Variants in PARD3 observed in about 807,000 individuals in gnomAD.
The protein encoded by PARD3 is par-3 family cell polarity regulator.
Under a neutral mutation model 155.4 loss-of-function variants are expected in PARD3, and 75 were observed. That is an observed-to-expected ratio of 0.48 (90% confidence interval 0.40 to 0.58). The LOEUF (loss-of-function observed/expected upper bound fraction) is 0.58, where lower values mean the gene tolerates loss of function less well. Ranked by LOEUF, PARD3 falls within the 20% of genes least tolerant of loss-of-function variation. The pLI, the probability that PARD3 is intolerant of heterozygous loss-of-function variation, is 0.00. For missense variants in PARD3, 1,642 were observed against 1,721.7 expected, an observed-to-expected ratio of 0.95 and a Z score of 0.82; for synonymous variants, 576 against 610.5, an observed-to-expected ratio of 0.94 and a Z score of 0.83.
At chr10:34,668,629 T>C (rs1477066993) in intron 2 of PARD3, among the ~76,000 whole-genome samples, 2 of 152,204 alleles carry the variant, frequency 1.3e-5, no homozygotes, top group Non-Finnish European at 2.9e-5. Flanking sequence ...GCCTTTTATC[T>C]TCAAAGATAT....
intron 1 of PARD3, among the ~76,000 whole-genome samples, chr10:34,796,297 C>T (rs1424108025): frequency 4.6e-5 from 7 of 152,156 alleles, no homozygotes; most frequent in Non-Finnish European, 1.0e-4. Context: ...CAGGTAAATA[C>T]ATGCAAGTAA....
intron 6 of PARD3, among the ~76,000 whole-genome samples, chr10:34,400,110 C>T (rs953289565): frequency 2.0e-5 from 3 of 152,306 alleles, no homozygotes; most frequent in East Asian, 3.9e-4. Flanking sequence ...CAGGCATCTA[C>T]TGCAAATCAA....
chr10:34,466,540 G>A (rs2078017347), intron 4 of PARD3, among the ~76,000 whole-genome samples: 1 of 152,114 alleles, frequency 6.6e-6, no homozygotes, highest in Non-Finnish European at 1.5e-5. Context: ...CTATGTAGAT[G>A]AGTTATTTAA....
chr10:34,808,531 G>T (rs1306400667), intron 1 of PARD3, among the ~76,000 whole-genome samples: 1 of 152,140 alleles, frequency 6.6e-6, no homozygotes, highest in Admixed American at 6.5e-5. Flanking sequence ...TTGAGCGAGT[G>T]GCCAAGCAGG....
At chr10:34,168,370 C>G (rs936541223) in intron 22 of PARD3, among the ~76,000 whole-genome samples, 3 of 152,170 alleles carry the variant, frequency 2.0e-5, no homozygotes, top group Admixed American at 2.0e-4. Flanking sequence ...AAACATGTCA[C>G]TAATTTTAAA....
At chr10:34,813,440 G>A (rs897878922) in intron 1 of PARD3, among the ~76,000 whole-genome samples, 2 of 152,044 alleles carry the variant, frequency 1.3e-5, no homozygotes, top group Non-Finnish European at 2.9e-5. Context: ...CCATTTAGAT[G>A]GTTTTCTTTC....
chr10:34,437,850 T>C (rs2076264868), intron 5 of PARD3, among the ~76,000 whole-genome samples: 2 of 152,252 alleles, frequency 1.3e-5, no homozygotes, highest in Non-Finnish European at 2.9e-5. Flanking sequence ...TTTAGTTATA[T>C]AAACATGAAG....
rs188775459 is a variant in PARD3, at chr10:34,392,280, G to T, written c.890+7050C>A. 1.7e-3 allele frequency among the ~76,000 whole-genome samples: 263 copies of T among 150,952 alleles called. 3 individuals are homozygous for T. The South Asian group carries it at 0.021, about 12-fold the overall frequency. On this transcript the variant is annotated intron_variant, in intron 7 of 24. Transcript: ENST00000374788. ...GTAACTAAGCAAATAAATAAAGAGG[G>T]GAAAAGTCATAAAAATAAACTTTAA...
At position 34,493,625 on chromosome 10, in the gene PARD3, G is replaced by A. The variant is rs549269862; in HGVS notation, c.403+23354C>T. On this transcript the variant is annotated intron_variant, in intron 3 of 24. Coordinates refer to ENST00000374788, the MANE Select transcript of PARD3 (RefSeq NM_001184785.2). ...CAGGCACCTGTAATTCCAGCTACTC[G>A]GGAGGCTGAAGCAGTAGAATCACTT... Among the ~76,000 whole-genome samples the A allele has an allele frequency of 3.3e-5, 5 of 151,888 alleles. No homozygotes were observed. In the East Asian group the frequency reaches 5.8e-4, roughly 18 times the overall value.
chr10:34,615,124 T>C (rs1054786961), intron 2 of PARD3, among the ~76,000 whole-genome samples: 2 of 151,974 alleles, frequency 1.3e-5, no homozygotes, highest in African/African-American at 2.4e-5. Flanking sequence ...GAAATTGCAG[T>C]GAGCCGAGAT....
At chr10:34,573,191 C>T (rs1352547648) in intron 2 of PARD3, among the ~76,000 whole-genome samples, 4 of 149,230 alleles carry the variant, frequency 2.7e-5, no homozygotes, top group African/African-American at 7.4e-5. Context: ...CCCATCTCTA[C>T]AAAAAAGTTC....
At chr10:34,272,293 T>C (rs1007608375) in intron 21 of PARD3, among the ~76,000 whole-genome samples, 1 of 152,170 alleles carries the variant, frequency 6.6e-6, no homozygotes, top group Non-Finnish European at 1.5e-5. Context: ...CATAAAACTT[T>C]AAAAGTATAT....
chr10:34,584,909 C>T (rs1405918379), intron 2 of PARD3, among the ~76,000 whole-genome samples: 1 of 152,098 alleles, frequency 6.6e-6, no homozygotes, highest in Non-Finnish European at 1.5e-5. Flanking sequence ...ATTTATCCAT[C>T]CCCAGAAACA....
At chr10:34,694,758 A>T (rs1021285004) in intron 2 of PARD3, among the ~76,000 whole-genome samples, 1 of 152,168 alleles carries the variant, frequency 6.6e-6, no homozygotes, top group African/African-American at 2.4e-5. Flanking sequence ...GACAGGTGCA[A>T]CAGTGAATCT....
In PARD3 at chr10:34,745,833, G is replaced by T. The variant is rs1403572284; in HGVS notation, c.121-49414C>A. Among the ~76,000 whole-genome samples, 3 of 152,180 alleles carry T rather than the reference G, an allele frequency of 2.0e-5. No homozygotes were observed. The East Asian group carries it at 5.8e-4, about 29-fold the overall frequency. On this transcript the variant is annotated intron_variant, in intron 1 of 24. Transcript: ENST00000374788. ...AATTAAGAAACGGCCAGGCGCGGTG[G>T]CTCACGCCTGTAATCCCAGCACTTT... is the stretch of plus-strand genomic sequence containing the variant.
chr10:34,597,102 G>A (rs972946796), intron 2 of PARD3, among the ~76,000 whole-genome samples: 1 of 152,094 alleles, frequency 6.6e-6, no homozygotes. Flanking sequence ...GAAAACATTA[G>A]TACTGAAAGG....
chr10:34,210,991 G>A (rs1179528144), intron 22 of PARD3, among the ~76,000 whole-genome samples: 1 of 152,136 alleles, frequency 6.6e-6, no homozygotes, highest in East Asian at 1.9e-4. Flanking sequence ...TATGGGCTTA[G>A]GAGGAGTGAG....
At chr10:34,424,706 G>A (rs2075503446) in intron 5 of PARD3, among the ~76,000 whole-genome samples, 1 of 151,940 alleles carries the variant, frequency 6.6e-6, no homozygotes, top group South Asian at 2.1e-4. Context: ...GTAGAGACGG[G>A]GTTTCGTCAT....
intron 1 of PARD3, among the ~76,000 whole-genome samples, chr10:34,754,526 GA>G (rs1332534249): frequency 6.6e-6 from 1 of 152,186 alleles, no homozygotes; most frequent in Admixed American, 6.5e-5. Context: ...TGGCTACACA[GA>G]AAATACTCAA....
Sources: allele counts gnomAD v4.1 joint callset (sites outside exome capture counted in the v4.1 genomes callset), GRCh38; gene constraint gnomAD v4.1.1; transcripts MANE v1.5; gene names NCBI Gene and HGNC (gene_info 2026-07-23, HGNC 2026-07-21).